The following WASHC2A variants were observed in gnomAD, a reference collection of about 807,000 sequenced individuals.
WASHC2A encodes WASH complex subunit 2A.
Under a neutral mutation model 140.3 loss-of-function variants are expected in WASHC2A, and 82 were observed. That is an observed-to-expected ratio of 0.58 (90% CI 0.49 to 0.70). The LOEUF (loss-of-function observed/expected upper bound fraction) is 0.70, where lower values mean the gene tolerates loss of function less well. Ranked by LOEUF, WASHC2A falls within the 30% of genes least tolerant of loss-of-function variation. The pLI is 0.00. For missense variants in WASHC2A, 985 were observed against 1,521.8 expected (o/e 0.65, Z 5.87); for synonymous variants, 340 against 560.8 (o/e 0.61, Z 5.56).
chr10:50,097,644 G>C (rs1457780846), intron 15 of WASHC2A, 31 bp from the exon 16 acceptor site: 1 of 1,538,458 alleles, frequency 6.5e-7, no homozygotes, highest in Admixed American at 2.0e-5. Flanking sequence ...TTTGACGTTA[G>C]TGTCATTTTA....
At chr10:50,106,563 A>T (rs1841803215) in intron 19 of WASHC2A, 98 bp downstream of exon 19, 15 of 1,527,100 alleles carry the variant, frequency 9.8e-6, no homozygotes, top group Non-Finnish European at 1.3e-5. Flanking sequence ...ATATCTCGTG[A>T]TGTTCAGTCA....
chr10:50,118,997 A>AT (rs1384661779), intron 22 of WASHC2A, among the ~76,000 whole-genome samples: 29 of 8,590 alleles, frequency 3.4e-3, no homozygotes, highest in Admixed American at 6.1e-3. Context: ...CATTTTTTTA[A>AT]TAGTTTGAGT....
At chr10:50,080,051 G>A (rs1300153795) in intron 4 of WASHC2A, among the ~76,000 whole-genome samples, 5 of 151,860 alleles carry the variant, frequency 3.3e-5, no homozygotes, top group African/African-American at 1.2e-4. Context: ...TGTAGAGGGG[G>A]AAATGACACT....
rs1844102569 is a variant in WASHC2A, at chr10:50,132,810, C to A, written c.3891C>A (p.Asp1297Glu). ...TCTTCTTTTTTCTTTCTAAAGATGA[C>A]ATCTTCTCCTCTGGTATCCAGGCTA... ...AKSIFDDDMD[D>E]IFSSGIQAKT... Residue 1297 changes from aspartate to glutamate, a missense_variant, in exon 31 of 31, where the codon GAC (aspartate) becomes GAA (glutamate). Asp to Glu is a conservative substitution (Grantham distance 45). Transcript: ENST00000282633. 2.5e-6 allele frequency: 4 copies of A among 1,612,042 alleles called. No individual in the cohort carries two copies. In the East Asian group the frequency reaches 8.9e-5, roughly 36 times the overall value.
At chr10:50,071,495 C>T (rs1440567602) in intron 3 of WASHC2A, among the ~76,000 whole-genome samples, 1 of 151,990 alleles carries the variant, frequency 6.6e-6, no homozygotes, top group Admixed American at 6.5e-5. Context: ...TTAGAAGAGA[C>T]GGGGTTTCAC....
At chr10:50,105,406 A>C (rs1456967474) in intron 18 of WASHC2A, among the ~76,000 whole-genome samples, 2 of 106,558 alleles carry the variant, frequency 1.9e-5, no homozygotes, top group Non-Finnish European at 3.9e-5. Flanking sequence ...CTTAACAGTG[A>C]GTAGGGTCAC....
In WASHC2A at chr10:50,110,206, G is replaced by A; in HGVS notation, c.1975G>A (p.Val659Met). Residue 659 changes from valine (V) to methionine (M), a missense_variant, in exon 20 of 31, where the codon GTG becomes ATG. Transcript: ENST00000282633. Reference protein sequence around the residue: ...GTLQSQEAKAVKKTSLFEEDE... With the variant: ...GTLQSQEAKAMKKTSLFEEDE... ...CCTCCAGAGCCAGGAGGCCAAGGCT[G>A]TGAAAAAGACCAGTCTCTTTGAGGA... is the stretch of plus-strand genomic sequence containing the variant. The A allele has an allele frequency of 6.2e-7, 1 of 1,611,836 alleles. No individual in the cohort carries two copies. The highest frequency in any genetic ancestry group is 2.2e-5 in the East Asian group (1 of 44,882).
intron 13 of WASHC2A, 66 bp downstream of exon 13, chr10:50,093,983 G>C (rs1554883851): frequency 6.2e-7 from 1 of 1,602,292 alleles, no homozygotes. Context: ...CTCACTAGGA[G>C]ATGGAACAAG....
At chr10:50,102,297 T>A (rs1841277127) in intron 17 of WASHC2A, among the ~76,000 whole-genome samples, 1 of 152,206 alleles carries the variant, frequency 6.6e-6, no homozygotes. Context: ...TTTCTCTATA[T>A]CTCAAGTGTG....
intron 3 of WASHC2A, among the ~76,000 whole-genome samples, chr10:50,076,498 G>C (rs1329413320): frequency 1.3e-5 from 2 of 152,188 alleles, no homozygotes; most frequent in African/African-American, 4.8e-5. Flanking sequence ...CAGATTGGCA[G>C]ATACTTAAAG....
intron 23 of WASHC2A, among the ~76,000 whole-genome samples, chr10:50,124,330 C>A (rs1843240119): frequency 6.6e-6 from 1 of 151,768 alleles, no homozygotes; most frequent in South Asian, 2.1e-4. Context: ...TCTCGAACTC[C>A]TGGCCTCTGG....
At position 50,105,680 on chromosome 10, in the gene WASHC2A, T is replaced by C. The variant is rs1179888691; in HGVS notation, c.1738-654T>C. Among the ~76,000 whole-genome samples the C allele has an allele frequency of 2.7e-5, 4 of 150,702 alleles. No individual in the cohort carries two copies. In the Admixed American group the frequency reaches 2.7e-4, roughly 10 times the overall value. Reference sequence around the variant, plus strand: ...GGCCCTCTGATGCTTTTGTTCCCCTTATCTGAATAAAAGCACCTTAATAAA... The same window carrying C: ...GGCCCTCTGATGCTTTTGTTCCCCTCATCTGAATAAAAGCACCTTAATAAA... On this transcript the variant is annotated intron_variant, in intron 18 of 30. Transcript: ENST00000282633.
chr10:50,132,764 C>T, intron 30 of WASHC2A, 42 bp from the exon 31 acceptor site: 1 of 1,612,038 alleles, frequency 6.2e-7, no homozygotes, highest in Non-Finnish European at 8.5e-7. Flanking sequence ...GTACCTTTCT[C>T]CACCCCTCTT....
intron 3 of WASHC2A, among the ~76,000 whole-genome samples, chr10:50,071,980 C>A (rs1215460545): frequency 1.5e-4 from 21 of 137,944 alleles, no homozygotes; most frequent in African/African-American, 5.7e-4. Flanking sequence ...ACCATCTCGG[C>A]TCACTGCAAC....
chr10:50,087,314 C>G lies in WASHC2A; in HGVS notation c.724C>G (p.Gln242Glu). The G allele has an allele frequency of 6.2e-7, 1 of 1,613,922 alleles. No individual in the cohort carries two copies. The highest frequency in any genetic ancestry group is 8.5e-7 in the Non-Finnish European group (1 of 1,179,852). ...EDFAHHSDNE[Q>E]NRHTTQMSDE... is the part of the protein sequence containing the mutation. ...TTTTGCCCATCATAGTGACAATGAACAAAACCGGGTAAGGCTCATATATTG... is the reference window on the plus strand; with the variant it reads ...TTTTGCCCATCATAGTGACAATGAAGAAAACCGGGTAAGGCTCATATATTG... The change falls in exon 8 of 31, where the codon CAA (glutamine) becomes GAA (glutamate). Residue 242 changes from glutamine (Q) to glutamate (E), a missense_variant. Physicochemically the swap from Gln to Glu is conservative, Grantham distance 29. Coordinates refer to ENST00000282633, the MANE Select transcript of WASHC2A (RefSeq NM_001005751.3).
intron 17 of WASHC2A, among the ~76,000 whole-genome samples, chr10:50,103,778 A>T (rs1346288688): frequency 1.3e-5 from 2 of 152,128 alleles, no homozygotes; most frequent in African/African-American, 4.8e-5. Flanking sequence ...GCCTTCTGTC[A>T]TTCAGGTGGG....
chr10:50,116,575 A>G (rs1482909446), intron 21 of WASHC2A, among the ~76,000 whole-genome samples: 1 of 149,752 alleles, frequency 6.7e-6, no homozygotes, highest in Non-Finnish European at 1.5e-5. Flanking sequence ...GGCCTCCCAA[A>G]GTGCTTGGAT....
rs372199580 is a variant in WASHC2A, at chr10:50,104,497, C to G, written c.1737+354C>G. 1.6e-4 allele frequency among the ~76,000 whole-genome samples: 25 copies of G among 151,914 alleles called. No individual in the cohort carries two copies. The East Asian group carries it at 3.5e-3, about 21-fold the overall frequency. On this transcript the variant is annotated intron_variant, in intron 18 of 30. Transcript: ENST00000282633. Reference sequence around the variant, plus strand: ...TCGACCTCCCAAGTAGCTGGGACTACAGGCGTGCACCACCACTCCCGGCTA... The same window carrying G: ...TCGACCTCCCAAGTAGCTGGGACTAGAGGCGTGCACCACCACTCCCGGCTA...
rs1222723976 is a variant in WASHC2A at position 50,100,454 on chromosome 10, T to C, written c.1635+390T>C. On this transcript the variant is annotated intron_variant, in intron 17 of 30. Coordinates refer to ENST00000282633, the MANE Select transcript of WASHC2A (RefSeq NM_001005751.3). ...CCGAGATCACACCATTGCACTCCAG[T>C]CTGGGCGACAGAGCGAGACTTCATC... 4.7e-4 allele frequency among the ~76,000 whole-genome samples: 72 copies of C among 152,266 alleles called. No individual in the cohort carries two copies. In the Middle Eastern group the frequency reaches 0.01, roughly 22 times the overall value.
Sources: allele counts gnomAD v4.1 joint callset (sites outside exome capture counted in the v4.1 genomes callset), GRCh38; gene constraint gnomAD v4.1.1; transcripts MANE v1.5; gene names NCBI Gene and HGNC (gene_info 2026-07-23, HGNC 2026-07-21).